The following STARD10 variants were observed in gnomAD, a reference collection of about 807,000 sequenced individuals.
The protein encoded by STARD10 is START domain-containing protein 10.
Under a neutral mutation model 36.0 loss-of-function variants are expected in STARD10, and 24 were observed. The ratio of observed to expected loss-of-function variants is 0.67; its 90% CI spans 0.48 to 0.94. STARD10 has a LOEUF of 0.94. STARD10 is among the 40% of genes least tolerant of loss of function. The probability of loss-of-function intolerance (pLI) is 0.00; values close to 1 mark genes in which losing one functional copy is unlikely to be tolerated. For missense variants in STARD10, 335 were observed against 396.6 expected (o/e 0.84, Z 1.32); for synonymous variants, 156 against 161.9 (o/e 0.96, Z 0.28).
At chr11:72,779,456 G>T (rs1458596737) in intron 2 of STARD10, among the ~76,000 whole-genome samples, 1 of 152,178 alleles carries the variant, frequency 6.6e-6, no homozygotes, top group Non-Finnish European at 1.5e-5. Flanking sequence ...GCTGAGTGTG[G>T]TGGTGTGCAC....
In STARD10 at chr11:72,789,450, A is replaced by T. The variant is rs566681196; in HGVS notation, c.-114+3425T>A. On this transcript the variant is annotated intron_variant, in intron 1 of 6. Transcript: ENST00000334805. Reference sequence around the variant, plus strand: ...AGAGGGAAGAGAGGTAGCTGAAATGACATCTTGTCCCCCTCCCTCACCCCC... The same window carrying T: ...AGAGGGAAGAGAGGTAGCTGAAATGTCATCTTGTCCCCCTCCCTCACCCCC... Among the ~76,000 whole-genome samples, 9 of 152,236 alleles carry T rather than the reference A, an allele frequency of 5.9e-5. No homozygotes were observed. In the South Asian group the frequency reaches 1.0e-3, roughly 18 times the overall value.
intron 2 of STARD10, among the ~76,000 whole-genome samples, chr11:72,774,011 A>C (rs934131374): frequency 6.6e-6 from 1 of 152,226 alleles, no homozygotes; most frequent in Non-Finnish European, 1.5e-5. Context: ...CCTTCTGGCT[A>C]TCAGGCCTCT....
At position 72,757,760 on chromosome 11, in the gene STARD10, C is replaced by G. The variant is rs374367146; in HGVS notation, c.577+7G>C. The G allele has an allele frequency of 6.2e-7, 1 of 1,613,240 alleles. No individual in the cohort carries two copies. Among genetic ancestry groups the G allele is most frequent in the African/African-American group, 1.3e-5 (1 of 75,046 alleles). On this transcript the variant is annotated splice_region_variant and intron_variant, in intron 5 of 6. Transcript: ENST00000334805. The stretch of plus-strand genomic sequence containing the variant: ...CCCATGATAGGCTGCCAGGGCCAAG[C>G]CCTCACCTTTGGGGTCCACCTGGGC...
At chr11:72,778,220 G>A (rs1211063552) in intron 2 of STARD10, among the ~76,000 whole-genome samples, 3 of 152,212 alleles carry the variant, frequency 2.0e-5, no homozygotes, top group Non-Finnish European at 4.4e-5. Flanking sequence ...AGGGGCTCTG[G>A]AGCCAGGCTG....
chr11:72,779,397 G>A (rs1858964428), intron 2 of STARD10, among the ~76,000 whole-genome samples: 1 of 152,174 alleles, frequency 6.6e-6, no homozygotes, highest in Non-Finnish European at 1.5e-5. Context: ...TTCAAGACCA[G>A]CCTGGCCAAT....
At chr11:72,786,569 G>A (rs1237243467) in intron 1 of STARD10, among the ~76,000 whole-genome samples, 1 of 152,144 alleles carries the variant, frequency 6.6e-6, no homozygotes, top group Non-Finnish European at 1.5e-5. Context: ...GGGAGCTGCT[G>A]GAGCCTCAGG....
chr11:72,764,193 G>A (rs1403741793), intron 2 of STARD10, among the ~76,000 whole-genome samples: 1 of 152,190 alleles, frequency 6.6e-6, no homozygotes, highest in Non-Finnish European at 1.5e-5. Context: ...GCCAGGCTCA[G>A]TGCTCCCAGG....
chr11:72,791,583 A>C (rs1250703708), intron 1 of STARD10, among the ~76,000 whole-genome samples: 1 of 151,922 alleles, frequency 6.6e-6, no homozygotes, highest in Non-Finnish European at 1.5e-5. Flanking sequence ...GGCACCTGTA[A>C]TCCCAGCTAC....
chr11:72,779,937 T>C (rs1345448183), intron 2 of STARD10, among the ~76,000 whole-genome samples: 1 of 152,044 alleles, frequency 6.6e-6, no homozygotes, highest in Non-Finnish European at 1.5e-5. Context: ...GGGGCCAAGA[T>C]ACATGCCTGA....
chr11:72,755,182 G>T (rs745681974), intron 6 of STARD10, 40 bp from the exon 7 acceptor site: 4 of 1,574,840 alleles, frequency 2.5e-6, no homozygotes, highest in African/African-American at 1.3e-5. Context: ...GGGTGGCTAG[G>T]GGGCAGGTCT....
chr11:72,783,013 G>T (rs2135626543), intron 1 of STARD10, among the ~76,000 whole-genome samples: 1 of 152,246 alleles, frequency 6.6e-6, no homozygotes, highest in Admixed American at 6.5e-5. Flanking sequence ...TCCAGAAAAG[G>T]GAATCAGAAT....
rs1362531352 is a variant in STARD10 at position 72,780,730 on chromosome 11, T to C, written c.207+245A>G. Reference sequence around the variant, plus strand: ...CAGATCCCTGGAACAGGCAGGGGCATGCAGAAGCCTGGGTTCCAGCTGAGA... The same window carrying C: ...CAGATCCCTGGAACAGGCAGGGGCACGCAGAAGCCTGGGTTCCAGCTGAGA... On this transcript the variant is annotated intron_variant, in intron 2 of 6. Transcript: ENST00000334805. 9.0e-6 allele frequency: 5 copies of C among 558,424 alleles called. No individual in the cohort carries two copies. In the Admixed American group the frequency reaches 1.2e-4, roughly 14 times the overall value. 34.6% of individuals were successfully genotyped at this position (558,424 alleles called of 1,614,324 possible). A position where few individuals can be genotyped will look rare whatever the true frequency, so the allele number is the denominator to read the frequency against.
intron 5 of STARD10, among the ~76,000 whole-genome samples, chr11:72,756,595 G>T (rs1858647659): frequency 6.6e-6 from 1 of 152,148 alleles, no homozygotes; most frequent in Non-Finnish European, 1.5e-5. Context: ...AGGAGGGGAG[G>T]CTTCGGGGAA....
At position 72,781,127 on chromosome 11, in the gene STARD10, G is replaced by A; in HGVS notation, c.55C>T (p.Arg19Cys). ...EPQGPRPVLG[R>C]ESVQVPDDQD... ...TCATCGGGCACCTGGACACTCTCACGGCCCAGGACCGGCCGAGGCCCTTGG... is the reference window on the plus strand; with the variant it reads ...TCATCGGGCACCTGGACACTCTCACAGCCCAGGACCGGCCGAGGCCCTTGG... Residue 19 changes from arginine (R) to cysteine (C), a missense_variant, in exon 2 of 7, where the codon CGT (arginine) becomes TGT (cysteine). Transcript: ENST00000334805. This position sits in a 1 kb window ranked among gnomAD's most constrained non-coding sequence, Gnocchi z 4.7. The A allele has an allele frequency of 2.5e-6, 4 of 1,613,638 alleles. No individual in the cohort carries two copies. The East Asian group carries it at 6.7e-5, about 27-fold the overall frequency.
At position 72,755,001 on chromosome 11, in the gene STARD10, C is replaced by A. The variant is rs146343521; in HGVS notation, c.772G>T (p.Asp258Tyr). The A allele has an allele frequency of 1.9e-6, 3 of 1,613,098 alleles. No individual in the cohort carries two copies. The African/African-American group carries it at 4.0e-5, about 21-fold the overall frequency. ...CTCTCGTCGATGTTCTCCAGTGAGT[C>A]CGCATGCTGCACCGACAGCTCCGAC... ...ALSELSVQHA[D>Y]SLENIDESAV... The change falls in exon 7 of 7, where the codon GAC becomes TAC. Residue 258 changes from aspartate to tyrosine, a missense_variant. Asp to Tyr is a radical substitution (Grantham distance 160). Transcript: ENST00000334805.
intron 2 of STARD10, among the ~76,000 whole-genome samples, chr11:72,779,284 C>A (rs1001814136): frequency 2.0e-5 from 3 of 152,180 alleles, no homozygotes; most frequent in Admixed American, 1.3e-4. Flanking sequence ...TTCCTCCCCC[C>A]TCTCTTCCAC....
At chr11:72,773,802 T>C (rs1858895470) in intron 2 of STARD10, among the ~76,000 whole-genome samples, 1 of 152,174 alleles carries the variant, frequency 6.6e-6, no homozygotes, top group Admixed American at 6.5e-5. Flanking sequence ...TGGTGTCTTA[T>C]TTAGTTGTTT....
Position 72,781,330 on chromosome 11 carries a change from T to G in STARD10, c.-113-36A>C. ...GGTTTGGGGACGGGAATCAGTGCGC[T>G]GGGGGCGCGGGTGGGGCTGTTCGGG... On this transcript the variant is annotated intron_variant, in intron 1 of 6. Coordinates refer to ENST00000334805, the MANE Select transcript of STARD10 (RefSeq NM_006645.3). This position sits in a 1 kb window ranked among gnomAD's most constrained non-coding sequence, Gnocchi z 4.7. The G allele has an allele frequency of 2.7e-5, 17 of 633,994 alleles. No individual in the cohort carries two copies. The highest frequency in any genetic ancestry group is 2.9e-5 in the East Asian group (1 of 33,994). 39.3% of individuals were successfully genotyped at this position (633,994 alleles called of 1,614,324 possible). A position where few individuals can be genotyped will look rare whatever the true frequency, so the allele number is the denominator to read the frequency against.
At chr11:72,787,039 G>C (rs1299248514) in intron 1 of STARD10, among the ~76,000 whole-genome samples, 10 of 139,894 alleles carry the variant, frequency 7.1e-5, no homozygotes, top group Admixed American at 3.8e-4. Flanking sequence ...AGCTATGATC[G>C]TACTACTGCA....
Sources: gnomAD v4.1 joint callset for allele counts (sites outside exome capture counted in the v4.1 genomes callset) on GRCh38, gnomAD v4.1.1 for gene constraint, Gnocchi (gnomAD v3.1) non-coding constraint, MANE v1.5 for transcripts, NCBI Gene and HGNC (gene_info 2026-07-23, HGNC 2026-07-21) for gene names.